DHRSX: variants seen among roughly 807,000 people sequenced by gnomAD.
The protein encoded by DHRSX is dehydrogenase/reductase X-linked, also known as polyprenol dehydrogenase.
A neutral mutation model predicts 34.0 loss-of-function variants in DHRSX; 31 were observed. The ratio of observed to expected loss-of-function variants is 0.91; its 90% confidence interval spans 0.69 to 1.23. DHRSX has a LOEUF of 1.23. Ranked by LOEUF, DHRSX falls within the 50% of genes most tolerant of loss-of-function variation. DHRSX has a pLI of 0.00. For synonymous variants in DHRSX, 201 were observed against 183.8 expected, an observed-to-expected ratio of 1.09 and a Z score of -0.76; for missense variants, 414 against 428.1, an observed-to-expected ratio of 0.97 and a Z score of 0.29.
intron 3 of DHRSX, among the ~76,000 whole-genome samples, chrX:2,316,699 G>A (rs1315715028): frequency 2.6e-5 from 4 of 152,140 alleles, no homozygotes; most frequent in South Asian, 2.1e-4. Flanking sequence ...TTAAACCCAC[G>A]TATGCCTAGT....
intron 4 of DHRSX, among the ~76,000 whole-genome samples, chrX:2,276,213 G>T (rs1175878347): frequency 1.3e-5 from 2 of 152,186 alleles, no homozygotes; most frequent in Non-Finnish European, 2.9e-5. Context: ...CTTTTGTGGT[G>T]ACTTCTGAGA....
rs751844527 is a variant in DHRSX, at chrX:2,267,093, G to A, written c.389-146C>T. On this transcript the variant is annotated intron_variant, in intron 4 of 6. Transcript: ENST00000334651. ...GGCCATGTCTTCCTCCTGGGCCTCT[G>A]TTTCCTGCTTTAGGTGTGATGGAGA... The A allele has an allele frequency of 9.7e-5, 73 of 749,156 alleles. No individual in the cohort carries two copies. In the African/African-American group the frequency reaches 1.2e-3, roughly 12 times the overall value. The allele number at this position is 749,156 out of a possible 1,614,324, so 46.4% of individuals were successfully genotyped here.
At chrX:2,497,884 A>G (rs1402535781) in intron 1 of DHRSX, among the ~76,000 whole-genome samples, 1 of 152,214 alleles carries the variant, frequency 6.6e-6, no homozygotes, top group East Asian at 1.9e-4. Context: ...TTTTGATGCC[A>G]TATTAGGATA....
chrX:2,406,783 G>A (rs186746126), intron 3 of DHRSX, among the ~76,000 whole-genome samples: 11 of 152,288 alleles, frequency 7.2e-5, no homozygotes, highest in Admixed American at 2.0e-4. Context: ...TGGGGAGGGT[G>A]TAGAGAAAAG....
chrX:2,422,388 G>A (rs1303519254), intron 2 of DHRSX, among the ~76,000 whole-genome samples: 5 of 151,850 alleles, frequency 3.3e-5, no homozygotes, highest in African/African-American at 1.2e-4. Context: ...TCAGCCTCCC[G>A]AGCAGCTGGG....
intron 5 of DHRSX, among the ~76,000 whole-genome samples, chrX:2,245,901 G>A (rs2016267980): frequency 1.3e-5 from 2 of 148,644 alleles, no homozygotes; most frequent in African/African-American, 2.5e-5. Context: ...GGCAAAGGGT[G>A]CAGTGAGCTG....
At chrX:2,294,064 G>C (rs1048723185) in intron 3 of DHRSX, among the ~76,000 whole-genome samples, 8 of 151,616 alleles carry the variant, frequency 5.3e-5, no homozygotes, top group Non-Finnish European at 1.0e-4. Flanking sequence ...GAAGCAGAGA[G>C]AGAGAGAAAG....
chrX:2,319,412 G>A (rs774725761), intron 3 of DHRSX, among the ~76,000 whole-genome samples: 149 of 151,810 alleles, frequency 9.8e-4, no homozygotes, highest in African/African-American at 2.2e-3. Context: ...GTGTGGTGGC[G>A]TGTGCCTGTA....
chrX:2,458,113 G>C (rs759312687), intron 1 of DHRSX, among the ~76,000 whole-genome samples: 1 of 152,210 alleles, frequency 6.6e-6, no homozygotes, highest in South Asian at 2.1e-4. Context: ...CATTCGGGAA[G>C]AATGTGGCTA....
At chrX:2,397,795 C>T (rs1377104131) in intron 3 of DHRSX, among the ~76,000 whole-genome samples, 1 of 152,164 alleles carries the variant, frequency 6.6e-6, no homozygotes, top group African/African-American at 2.4e-5. Context: ...TGAAGTAGCG[C>T]ATTTGCAAAG....
At position 2,376,401 on chromosome X, in the gene DHRSX, G is replaced by A. The variant is rs1490070111; in HGVS notation, c.286+32344C>T. 2.2e-5 allele frequency among the ~76,000 whole-genome samples: 3 copies of A among 137,280 alleles called. 1 individual carries two copies. Among genetic ancestry groups the A allele is most frequent in the East Asian group, 2.0e-4 (1 of 5,030 alleles). The allele number at this position is 137,280 out of a possible 152,430, so 90.1% of individuals were successfully genotyped here. ...TCTGTTACCCACAGAGGATGACATC[G>A]TCATTCAGGTGGCCATGAAGAAAGG... On this transcript the variant is annotated intron_variant, in intron 3 of 6. Transcript: ENST00000334651.
rs900007091 is a variant in DHRSX at position 2,392,725 on chromosome X, C to T, written c.286+16020G>A. Among the ~76,000 whole-genome samples the T allele has an allele frequency of 5.1e-5, 7 of 138,426 alleles. No individual in the cohort carries two copies. The South Asian group carries it at 6.8e-4, about 13-fold the overall frequency. The allele number at this position is 138,426 out of a possible 152,430, so 90.8% of individuals were successfully genotyped here. A position where few individuals can be genotyped will look rare whatever the true frequency, so the allele number is the denominator to read the frequency against. On this transcript the variant is annotated intron_variant, in intron 3 of 6. Coordinates refer to ENST00000334651, the MANE Select transcript of DHRSX (RefSeq NM_145177.3). ...AGTTTATACTTATATATTATAAATT[C>T]GTGTTTATTATAAAGTATGATATAA... is the stretch of plus-strand genomic sequence containing the variant.
intron 3 of DHRSX, among the ~76,000 whole-genome samples, chrX:2,406,309 TAAAC>T (rs931280747): frequency 3.6e-4 from 55 of 151,754 alleles, no homozygotes; most frequent in African/African-American, 1.2e-3. Context: ...AACAAAAAAA[TAAAC>T]AAAGAAAAGG....
intron 3 of DHRSX, among the ~76,000 whole-genome samples, chrX:2,294,766 A>AAGAGAGAGAGAG (rs779339446): frequency 3.4e-5 from 5 of 149,106 alleles, no homozygotes; most frequent in African/African-American, 7.4e-5. Flanking sequence ...GAGACAGAGA[A>AAGAGAGAGAGAG]AGAGAGAGAG....
Position 2,276,886 on chromosome X carries a change from T to G in DHRSX, c.389-9939A>C, listed in dbSNP as rs1159321490. On this transcript the variant is annotated intron_variant, in intron 4 of 6. Coordinates refer to ENST00000334651, the MANE Select transcript of DHRSX (RefSeq NM_145177.3). ...AGGGAGAGAGAAGGAGGGGAGGAAA[T>G]AGGGGAAAGAGAGAAAGAGAGATGG... is the stretch of plus-strand genomic sequence containing the variant. Among the ~76,000 whole-genome samples, 13 of 8,164 alleles carry G rather than the reference T, an allele frequency of 1.6e-3. 1 individual carries two copies. Among genetic ancestry groups the G allele is most frequent in the Admixed American group, 5.5e-3 (4 of 732 alleles). The allele number at this position is 8,164 out of a possible 152,430, so 5.4% of individuals were successfully genotyped here. A position where few individuals can be genotyped will look rare whatever the true frequency, so the allele number is the denominator to read the frequency against.
chrX:2,292,992 A>G (rs1464942599), intron 3 of DHRSX, among the ~76,000 whole-genome samples: 1 of 152,180 alleles, frequency 6.6e-6, no homozygotes, highest in African/African-American at 2.4e-5. Flanking sequence ...CTATGTCCCC[A>G]TGGCTGGTCT....
chrX:2,236,132 T>C (rs902757177), intron 6 of DHRSX, among the ~76,000 whole-genome samples: 3 of 149,290 alleles, frequency 2.0e-5, no homozygotes, highest in African/African-American at 7.4e-5. Context: ...AATAAATAAA[T>C]AAAATAAATA....
At chrX:2,339,763 C>T (rs2042617758) in intron 3 of DHRSX, among the ~76,000 whole-genome samples, 1 of 152,036 alleles carries the variant, frequency 6.6e-6, no homozygotes, top group Non-Finnish European at 1.5e-5. Flanking sequence ...TTTATACATT[C>T]TATCATTGAT....
chrX:2,361,319 C>T (rs1185556754), intron 3 of DHRSX, among the ~76,000 whole-genome samples: 1 of 152,082 alleles, frequency 6.6e-6, no homozygotes, highest in Non-Finnish European at 1.5e-5. Context: ...GTTGGTCAGG[C>T]TAGTCTCAAA....
Sources: gnomAD v4.1 joint callset for allele counts (sites outside exome capture counted in the v4.1 genomes callset) on GRCh38, gnomAD v4.1.1 for gene constraint, MANE v1.5 for transcripts, NCBI Gene and HGNC (gene_info 2026-07-23, HGNC 2026-07-21) for gene names.